Variants in FTCDNL1 observed in about 807,000 individuals in gnomAD.
FTCDNL1 encodes formiminotransferase cyclodeaminase N-terminal like, also known as formiminotransferase N-terminal subdomain-containing protein.
FTCDNL1 carries 11 observed loss-of-function variants against 5.9 expected under a neutral mutation model. That is an observed-to-expected ratio of 1.87 (90% CI 1.18 to 3.10). FTCDNL1 has a LOEUF of 3.10. Among genes scored for constraint, FTCDNL1 ranks in the 30% most tolerant of loss-of-function variants. The probability of loss-of-function intolerance (pLI) is 0.00; values close to 1 mark genes in which losing one functional copy is unlikely to be tolerated. For missense variants in FTCDNL1, 115 were observed against 65.5 expected (o/e 1.76, Z -2.61); for synonymous variants, 58 against 24.8 (o/e 2.34, Z -3.99).
chr2:199,817,846 A>G (rs1701446287), intron 4 of FTCDNL1, among the ~76,000 whole-genome samples: 1 of 152,206 alleles, frequency 6.6e-6, no homozygotes, highest in African/African-American at 2.4e-5. Context: ...GCAGAGACAC[A>G]GATTATCCAA....
the FTCDNL1 span, among the ~76,000 whole-genome samples, chr2:199,740,963 T>C: frequency 6.6e-6 from 1 of 152,274 alleles, no homozygotes; most frequent in East Asian, 1.9e-4. Flanking sequence ...TCCTGCAGTG[T>C]CTCACAAGTC....
At chr2:199,762,067 T>C (rs1467110487) in intron 3 of FTCDNL1, among the ~76,000 whole-genome samples, 1 of 152,158 alleles carries the variant, frequency 6.6e-6, no homozygotes, top group East Asian at 1.9e-4. Flanking sequence ...AAAAACAATC[T>C]TGTAATGTTT....
rs769195340 is a variant in FTCDNL1 at position 199,812,677 on chromosome 2, A to C, written c.*28T>G. On this transcript the variant is annotated 3_prime_UTR_variant, in exon 5 of 5. Transcript: ENST00000420128. The stretch of plus-strand genomic sequence containing the variant: ...CACGGATCCCCTCACTGCAAGGCTG[A>C]AATTCCAATTTTCTTCCAACACAAC... 3.3e-5 allele frequency: 23 copies of C among 698,186 alleles called. No homozygotes were observed. In the South Asian group the frequency reaches 3.3e-4, roughly 10 times the overall value. 43.2% of individuals were successfully genotyped at this position (698,186 alleles called of 1,614,324 possible). A position where few individuals can be genotyped will look rare whatever the true frequency, so the allele number is the denominator to read the frequency against.
the FTCDNL1 span, among the ~76,000 whole-genome samples, chr2:199,744,721 T>G: frequency 6.6e-6 from 1 of 152,218 alleles, no homozygotes; most frequent in African/African-American, 2.4e-5. Context: ...ATTTTTTCAG[T>G]GACTTAATCA....
chr2:199,791,518 T>C (rs535429952), intron 3 of FTCDNL1, among the ~76,000 whole-genome samples: 2 of 152,146 alleles, frequency 1.3e-5, no homozygotes, highest in Non-Finnish European at 2.9e-5. Flanking sequence ...CACTACACTT[T>C]AGTCACTATG....
chr2:199,780,725 T>C (rs764076501), intron 3 of FTCDNL1, among the ~76,000 whole-genome samples: 4 of 152,168 alleles, frequency 2.6e-5, no homozygotes, highest in African/African-American at 4.8e-5. Context: ...ACTTGTCTAT[T>C]TGATATCACA....
At chr2:199,762,894 T>C (rs1034219111) in intron 3 of FTCDNL1, among the ~76,000 whole-genome samples, 3 of 152,248 alleles carry the variant, frequency 2.0e-5, no homozygotes, top group African/African-American at 7.2e-5. Flanking sequence ...ATCATTCCTG[T>C]AAAATGCAAG....
chr2:199,677,918 T>C, the FTCDNL1 span, among the ~76,000 whole-genome samples: 2 of 152,182 alleles, frequency 1.3e-5, no homozygotes, highest in African/African-American at 4.8e-5. Context: ...TTGAGGAAAA[T>C]TATTTTCAAA....
At position 199,846,088 on chromosome 2, in the gene FTCDNL1, A is replaced by G. The variant is rs1468153472; in HGVS notation, c.198T>C (p.Ser66=). The G allele has an allele frequency of 8.6e-6, 6 of 694,576 alleles. No homozygotes were observed. The highest frequency in any genetic ancestry group is 6.2e-5 in the Admixed American group (3 of 48,052). The allele number at this position is 694,576 out of a possible 1,614,324, so 43.0% of individuals were successfully genotyped here. ...CTGAAATCTTACCCAACTTATCAAC[A>G]GAAGTTGCTATTGTAATGACTGATC... ...YKRSVITIAT[S]VDKLGLAEDL... The change falls in exon 3 of 5, where the codon TCT becomes TCC. Residue 66 remains serine (S), a synonymous_variant. Coordinates refer to ENST00000420128, the MANE Select transcript of FTCDNL1 (RefSeq NM_001363886.2).
At chr2:199,742,103 AT>A in the FTCDNL1 span, among the ~76,000 whole-genome samples, 119,697 of 150,900 alleles carry the variant, frequency 0.79, 50,365 homozygotes, top group East Asian at 1. Flanking sequence ...CTCTGCCTCA[AT>A]TTTTTTTTTT....
the FTCDNL1 span, among the ~76,000 whole-genome samples, chr2:199,735,132 A>AT: frequency 6.6e-6 from 1 of 151,550 alleles, no homozygotes; most frequent in African/African-American, 2.4e-5. Context: ...AAAAAAAAAA[A>AT]AAACCACATT....
the FTCDNL1 span, among the ~76,000 whole-genome samples, chr2:199,738,110 C>T: frequency 6.6e-6 from 1 of 152,270 alleles, no homozygotes; most frequent in African/African-American, 2.4e-5. Context: ...GATGTCTGCT[C>T]ATTATTCAAA....
chr2:199,833,109 G>A (rs184998943), intron 3 of FTCDNL1, among the ~76,000 whole-genome samples: 6 of 151,982 alleles, frequency 3.9e-5, no homozygotes, highest in African/African-American at 1.2e-4. Context: ...GCTGAGATTA[G>A]AGGTACACAG....
the FTCDNL1 span, among the ~76,000 whole-genome samples, chr2:199,718,387 T>C: frequency 6.6e-6 from 1 of 152,186 alleles, no homozygotes; most frequent in Non-Finnish European, 1.5e-5. Context: ...TTTATTCTTT[T>C]TAAAGGCTGA....
chr2:199,664,816 G>A, the FTCDNL1 span, among the ~76,000 whole-genome samples: 1 of 151,970 alleles, frequency 6.6e-6, no homozygotes, highest in Non-Finnish European at 1.5e-5. Flanking sequence ...ACATATAACA[G>A]TGTCAGCATA....
At chr2:199,845,955 C>CGTA in intron 3 of FTCDNL1, 120 bp downstream of exon 3, 1 of 479,816 alleles carries the variant, frequency 2.1e-6, no homozygotes, top group Non-Finnish European at 3.7e-6. Flanking sequence ...TTGTGGTAGA[C>CGTA]TCTTTACTTA....
the FTCDNL1 span, among the ~76,000 whole-genome samples, chr2:199,676,636 AG>A: frequency 6.6e-6 from 1 of 152,104 alleles, no homozygotes; most frequent in Admixed American, 6.5e-5. Flanking sequence ...TAAAAATCAA[AG>A]TTCAAATATT....
the FTCDNL1 span, among the ~76,000 whole-genome samples, chr2:199,675,263 T>C: frequency 6.6e-6 from 1 of 152,202 alleles, no homozygotes; most frequent in Non-Finnish European, 1.5e-5. Flanking sequence ...AGTTTGTGTC[T>C]ACATCTCCTA....
chr2:199,838,260 A>G (rs1348113827), intron 3 of FTCDNL1, among the ~76,000 whole-genome samples: 1 of 152,254 alleles, frequency 6.6e-6, no homozygotes, highest in African/African-American at 2.4e-5. Context: ...AGTAGAAGTC[A>G]GACAAAAGAA....
Sources: allele counts gnomAD v4.1 joint callset (sites outside exome capture counted in the v4.1 genomes callset), GRCh38; gene constraint gnomAD v4.1.1; transcripts MANE v1.5; gene names NCBI Gene and HGNC (gene_info 2026-07-23, HGNC 2026-07-21).